Variants in CCDC178 observed in about 807,000 individuals in gnomAD.
CCDC178 encodes coiled-coil domain containing 178.
CCDC178 carries 126 observed loss-of-function variants against 117.4 expected under a neutral mutation model. That is an observed-to-expected ratio of 1.07 (90% CI 0.93 to 1.24). The LOEUF is 1.24. Ranked by LOEUF, CCDC178 falls within the 50% of genes most tolerant of loss-of-function variation. The pLI is 0.00. For synonymous variants in CCDC178, 283 were observed against 313.4 expected (o/e 0.90, Z 1.02); for missense variants, 1,030 against 986.9 (o/e 1.04, Z -0.59).
chr18:33,374,158 T>C (rs959586559), intron 5 of CCDC178, among the ~76,000 whole-genome samples: 15 of 152,116 alleles, frequency 9.9e-5, no homozygotes, highest in Non-Finnish European at 1.0e-4. Flanking sequence ...AGTGGAAACA[T>C]CTGGAAGAGG....
At chr18:33,328,249 CGT>C in intron 10 of CCDC178, 5 of 226,180 alleles carry the variant, frequency 2.2e-5, no homozygotes, top group Non-Finnish European at 3.5e-5. Context: ...ACTACAGGCC[CGT>C]GCCACCACAC....
At chr18:33,321,105 A>G (rs1173649441) in intron 11 of CCDC178, among the ~76,000 whole-genome samples, 3 of 152,240 alleles carry the variant, frequency 2.0e-5, no homozygotes, top group Non-Finnish European at 4.4e-5. Flanking sequence ...TGGACTAATG[A>G]CTTAAATGTT....
At chr18:33,432,478 TACACACACACACACACACAC>T (rs56111462) in intron 2 of CCDC178, among the ~76,000 whole-genome samples, 7 of 143,310 alleles carry the variant, frequency 4.9e-5, no homozygotes, top group South Asian at 4.7e-4. Flanking sequence ...GCCTTCTCCA[TACACACACACACACACACAC>T]ACACACACAC....
intron 6 of CCDC178, among the ~76,000 whole-genome samples, chr18:33,366,416 G>T (rs1162647477): frequency 6.6e-6 from 1 of 151,930 alleles, no homozygotes; most frequent in African/African-American, 2.4e-5. Context: ...GTAACAATTA[G>T]AGTCATAAGA....
At chr18:33,247,284 A>G (rs758472585) in intron 14 of CCDC178, among the ~76,000 whole-genome samples, 30 of 151,918 alleles carry the variant, frequency 2.0e-4, no homozygotes, top group Non-Finnish European at 3.8e-4. Context: ...ATTCTGACAA[A>G]GAACTTAAAA....
intron 21 of CCDC178, among the ~76,000 whole-genome samples, chr18:33,068,747 T>C (rs1200530899): frequency 6.6e-6 from 1 of 152,172 alleles, no homozygotes; most frequent in African/African-American, 2.4e-5. Flanking sequence ...GCCTTTCCTC[T>C]AAGAATGAGA....
At chr18:33,084,512 G>A (rs552595464) in intron 21 of CCDC178, among the ~76,000 whole-genome samples, 47 of 152,086 alleles carry the variant, frequency 3.1e-4, no homozygotes, top group Middle Eastern at 3.4e-3. Flanking sequence ...GTGTTTGGTG[G>A]TATAAGATTC....
intron 11 of CCDC178, among the ~76,000 whole-genome samples, chr18:33,299,056 A>G (rs2062142798): frequency 6.6e-6 from 1 of 152,170 alleles, no homozygotes; most frequent in South Asian, 2.1e-4. Flanking sequence ...AGCAACCTAC[A>G]ATTTAAATGC....
intron 2 of CCDC178, among the ~76,000 whole-genome samples, chr18:33,418,519 C>T (rs748350550): frequency 4.6e-5 from 7 of 151,840 alleles, no homozygotes; most frequent in East Asian, 1.9e-4. Flanking sequence ...ATAAATAAAA[C>T]GCATCCAAAT....
chr18:33,243,929 A>G (rs554843455), intron 15 of CCDC178, among the ~76,000 whole-genome samples: 6 of 151,756 alleles, frequency 4.0e-5, no homozygotes, highest in African/African-American at 1.2e-4. Flanking sequence ...TTTAAAAATT[A>G]TAAACATCTA....
intron 9 of CCDC178, among the ~76,000 whole-genome samples, chr18:33,345,519 G>A (rs1209024462): frequency 1.3e-5 from 2 of 152,136 alleles, no homozygotes; most frequent in Non-Finnish European, 2.9e-5. Context: ...ATTCTCAAAA[G>A]CATACGCATT....
chr18:33,035,110 C>A (rs547333178), intron 21 of CCDC178, among the ~76,000 whole-genome samples: 27 of 151,976 alleles, frequency 1.8e-4, no homozygotes, highest in African/African-American at 5.5e-4. Flanking sequence ...AATCAAACTT[C>A]TGAGACTTCT....
At chr18:33,026,689 T>C (rs2056236478) in intron 21 of CCDC178, among the ~76,000 whole-genome samples, 1 of 151,778 alleles carries the variant, frequency 6.6e-6, no homozygotes, top group African/African-American at 2.4e-5. Context: ...AAATGAATGG[T>C]AGAAGTAAAT....
chr18:33,101,010 T>C (rs180862101), intron 20 of CCDC178, among the ~76,000 whole-genome samples: 30 of 152,106 alleles, frequency 2.0e-4, no homozygotes, highest in Admixed American at 1.2e-3. Context: ...ATTTAAAGTA[T>C]ATGACATCTT....
At chr18:33,255,522 G>A (rs1320214519) in intron 14 of CCDC178, among the ~76,000 whole-genome samples, 2 of 152,034 alleles carry the variant, frequency 1.3e-5, no homozygotes, top group Admixed American at 1.3e-4. Flanking sequence ...AGTACCCATT[G>A]GAGAGATATT....
At chr18:33,094,526 C>T (rs560531665) in intron 20 of CCDC178, among the ~76,000 whole-genome samples, 1 of 151,884 alleles carries the variant, frequency 6.6e-6, no homozygotes, top group African/African-American at 2.4e-5. Flanking sequence ...ATATCTGAGA[C>T]ATCCTACTTC....
chr18:33,218,911 C>T (rs1311077219), intron 18 of CCDC178, among the ~76,000 whole-genome samples: 3 of 152,048 alleles, frequency 2.0e-5, no homozygotes, highest in African/African-American at 4.8e-5. Context: ...GCTCTTTTGG[C>T]TTAGGATTGT....
In CCDC178 at chr18:33,374,629, T is replaced by TAAAAG. The variant is rs200807724; in HGVS notation, c.209-4441_209-4440insCTTTT. The stretch of plus-strand genomic sequence containing the variant: ...TATTACTCAGCATTCCTCTTCTTTA[T>TAAAAG]ATTTCCCCATGACAAATAAAAATAT... On this transcript the variant is annotated intron_variant, in intron 5 of 22. Coordinates refer to ENST00000383096, the MANE Select transcript of CCDC178 (RefSeq NM_001105528.4). Among the ~76,000 whole-genome samples the TAAAAG allele has an allele frequency of 9.1e-3, 1,393 of 152,318 alleles. 13 individuals are homozygous for TAAAAG. Among genetic ancestry groups the TAAAAG allele is most frequent in the African/African-American group, 0.017 (714 of 41,586 alleles).
intron 2 of CCDC178, among the ~76,000 whole-genome samples, chr18:33,432,893 G>A (rs988423081): frequency 6.6e-6 from 1 of 152,100 alleles, no homozygotes; most frequent in African/African-American, 2.4e-5. Context: ...GTGGTATTAA[G>A]GCATATGAAA....
Sources: gnomAD v4.1 joint callset for allele counts (sites outside exome capture counted in the v4.1 genomes callset) on GRCh38, gnomAD v4.1.1 for gene constraint, MANE v1.5 for transcripts, NCBI Gene and HGNC (gene_info 2026-07-23, HGNC 2026-07-21) for gene names.